Variants in GABRB1 observed in about 807,000 individuals in gnomAD.
GABRB1 encodes gamma-aminobutyric acid receptor subunit beta-1.
A neutral mutation model predicts 51.6 loss-of-function variants in GABRB1; 17 were observed. The observed-to-expected ratio is 0.33, with a 90% CI of 0.23 to 0.49. The LOEUF (loss-of-function observed/expected upper bound fraction) is 0.49, where lower values mean the gene tolerates loss of function less well. Among genes scored for constraint, GABRB1 ranks in the 20% least tolerant of loss-of-function variants. The pLI is 0.99. For missense variants in GABRB1, 410 were observed against 600.6 expected, an observed-to-expected ratio of 0.68 and a Z score of 3.32; for synonymous variants, 247 against 218.9, an observed-to-expected ratio of 1.13 and a Z score of -1.14.
At chr4:47,034,871 T>A (rs1422535808) in intron 3 of GABRB1, among the ~76,000 whole-genome samples, 1 of 152,170 alleles carries the variant, frequency 6.6e-6, no homozygotes, top group Non-Finnish European at 1.5e-5. Context: ...AGGAAGTCCA[T>A]GGAAAATAAG....
chr4:47,400,682 A>G lies in GABRB1; in HGVS notation c.545-2636A>G, dbSNP rs190727010. On this transcript the variant is annotated intron_variant, in intron 5 of 8. Transcript: ENST00000295454. Reference sequence around the variant, plus strand: ...TGTATCCATTACCCAAATAGTGTACATTGTACCTAATATGTGATTTTTTTA... The same window carrying G: ...TGTATCCATTACCCAAATAGTGTACGTTGTACCTAATATGTGATTTTTTTA... Among the ~76,000 whole-genome samples, 962 of 152,004 alleles carry G rather than the reference A, an allele frequency of 6.3e-3. 5 individuals carry two copies. The highest frequency in any genetic ancestry group is 0.01 in the Middle Eastern group (3 of 292).
intron 4 of GABRB1, among the ~76,000 whole-genome samples, chr4:47,208,482 T>A (rs1191442008): frequency 6.6e-6 from 1 of 152,062 alleles, no homozygotes. Context: ...ATGCCTCAAA[T>A]GTCAAATTTA....
Position 47,285,883 on chromosome 4 carries a change from A to G in GABRB1, c.462-34244A>G, listed in dbSNP as rs78692072. Among the ~76,000 whole-genome samples, 241 of 152,388 alleles carry G rather than the reference A, an allele frequency of 1.6e-3. 3 individuals carry two copies. The highest frequency in any genetic ancestry group is 0.012 in the East Asian group (64 of 5,196). On this transcript the variant is annotated intron_variant, in intron 4 of 8. Transcript: ENST00000295454. ...ATTGTTTTTTATGTATGAATGAAAC[A>G]GCACTTTGCAATGAGGTTCAACTGC...
At chr4:47,110,160 T>C (rs555547768) in intron 3 of GABRB1, among the ~76,000 whole-genome samples, 72 of 152,294 alleles carry the variant, frequency 4.7e-4, no homozygotes, top group African/African-American at 1.7e-3. Flanking sequence ...AGCAAGATTG[T>C]TGTGAATCTC....
chr4:47,005,133 G>A (rs1392603567), intron 1 of GABRB1, among the ~76,000 whole-genome samples: 1 of 152,026 alleles, frequency 6.6e-6, no homozygotes, highest in Non-Finnish European at 1.5e-5. Context: ...ATGGTTCTCC[G>A]TAGGGCCAGG....
chr4:47,135,288 T>C (rs1455505631), intron 3 of GABRB1, among the ~76,000 whole-genome samples: 1 of 152,150 alleles, frequency 6.6e-6, no homozygotes, highest in Non-Finnish European at 1.5e-5. Flanking sequence ...CGGCAGCACA[T>C]GTATGCGGAG....
chr4:47,037,826 G>A (rs1725660113), intron 3 of GABRB1, among the ~76,000 whole-genome samples: 1 of 152,068 alleles, frequency 6.6e-6, no homozygotes, highest in Non-Finnish European at 1.5e-5. Context: ...GAAAAACTGA[G>A]GCTGAGAGAG....
chr4:47,352,100 T>C (rs1726367979), intron 5 of GABRB1, among the ~76,000 whole-genome samples: 1 of 152,168 alleles, frequency 6.6e-6, no homozygotes, highest in African/African-American at 2.4e-5. Flanking sequence ...ATGATTGCCA[T>C]TCTAACTGGT....
chr4:47,133,361 G>T (rs1716506242), intron 3 of GABRB1, among the ~76,000 whole-genome samples: 1 of 152,170 alleles, frequency 6.6e-6, no homozygotes, highest in African/African-American at 2.4e-5. Context: ...TGGGGAAACA[G>T]AGCACTCTAA....
In GABRB1 at chr4:47,025,850, A is replaced by T. The variant is rs552564822; in HGVS notation, c.-19-6064A>T. On this transcript the variant is annotated intron_variant, in intron 1 of 3. Coordinates refer to the GABRB1 transcript ENST00000513567. ...CCTCTCCTCTCACCACTGCAAACAT[A>T]ATTTTGTTCAATTCTGCCTTTACTA... Among the ~76,000 whole-genome samples the T allele has an allele frequency of 9.9e-5, 15 of 152,004 alleles. No individual in the cohort carries two copies. In the East Asian group the frequency reaches 1.9e-3, roughly 20 times the overall value.
intron 3 of GABRB1, among the ~76,000 whole-genome samples, chr4:47,085,446 A>T (rs1431064322): frequency 6.6e-6 from 1 of 152,214 alleles, no homozygotes; most frequent in Non-Finnish European, 1.5e-5. Context: ...TTGAAGCAAC[A>T]CTTAATTTCT....
At chr4:47,248,384 G>A (rs1383734118) in intron 4 of GABRB1, among the ~76,000 whole-genome samples, 1 of 151,940 alleles carries the variant, frequency 6.6e-6, no homozygotes, top group African/African-American at 2.4e-5. Flanking sequence ...TGATCATGGT[G>A]GATTATCTTT....
intron 4 of GABRB1, among the ~76,000 whole-genome samples, chr4:47,195,161 T>C (rs1304013529): frequency 6.6e-6 from 1 of 152,010 alleles, no homozygotes; most frequent in Non-Finnish European, 1.5e-5. Flanking sequence ...GGTCATGAAA[T>C]CGAGACCATC....
chr4:47,076,771 A>G (rs144325506), intron 3 of GABRB1, among the ~76,000 whole-genome samples: 6 of 152,258 alleles, frequency 3.9e-5, no homozygotes, highest in African/African-American at 1.4e-4. Context: ...CAGAGACAAC[A>G]TACTTGATTA....
At chr4:47,418,182 GAGAAACAGAACCAAT>G (rs1057212868) in intron 8 of GABRB1, among the ~76,000 whole-genome samples, 10 of 152,196 alleles carry the variant, frequency 6.6e-5, no homozygotes, top group Admixed American at 2.6e-4. Context: ...GGGCTCTTCA[GAGAAACAGAACCAAT>G]AGAAACAGAA....
chr4:47,377,079 T>C (rs2110024818), intron 5 of GABRB1, among the ~76,000 whole-genome samples: 1 of 152,360 alleles, frequency 6.6e-6, no homozygotes, highest in South Asian at 2.1e-4. Context: ...GATTTGTTTA[T>C]AACAAAAGTT....
intron 4 of GABRB1, among the ~76,000 whole-genome samples, chr4:47,242,811 A>G (rs915943022): frequency 6.6e-5 from 10 of 152,280 alleles, no homozygotes; most frequent in Admixed American, 6.5e-4. Context: ...GGTAGATTGT[A>G]AAACTTTTCT....
intron 3 of GABRB1, among the ~76,000 whole-genome samples, chr4:47,127,034 C>T (rs915624411): frequency 6.6e-6 from 1 of 151,854 alleles, no homozygotes; most frequent in African/African-American, 2.4e-5. Flanking sequence ...CATAATACAG[C>T]TGTCCTTTTC....
chr4:47,031,144 C>T (rs1266396704), upstream of GABRB1, among the ~76,000 whole-genome samples: 4 of 152,006 alleles, frequency 2.6e-5, no homozygotes, highest in Admixed American at 6.6e-5. Context: ...TGCTCCCAGT[C>T]ACCCCCACCC....
Sources: allele counts gnomAD v4.1 joint callset (sites outside exome capture counted in the v4.1 genomes callset), GRCh38; gene constraint gnomAD v4.1.1; transcripts MANE v1.5; gene names NCBI Gene and HGNC (gene_info 2026-07-23, HGNC 2026-07-21).